Variants in AFG1L observed in about 807,000 individuals in gnomAD.
AFG1L encodes AFG1 like ATPase.
In AFG1L, 53 loss-of-function variants were observed where a neutral mutation model predicts 62.2. The observed-to-expected ratio is 0.85, with a 90% CI of 0.68 to 1.07. The LOEUF (loss-of-function observed/expected upper bound fraction) is 1.07. Among genes scored for constraint, AFG1L ranks in the 50% least tolerant of loss-of-function variants. AFG1L has a pLI of 0.00. For missense variants in AFG1L, 555 were observed against 590.5 expected (o/e 0.94, Z 0.62); for synonymous variants, 228 against 210.3 (o/e 1.08, Z -0.73).
chr6:108,500,097 C>T (rs1473877269), intron 10 of AFG1L, among the ~76,000 whole-genome samples: 1 of 151,620 alleles, frequency 6.6e-6, no homozygotes, highest in African/African-American at 2.4e-5. Flanking sequence ...TAATGGCCTC[C>T]AGCTGCATCC....
At chr6:108,296,697 A>G (rs1431360322) in intron 1 of AFG1L, among the ~76,000 whole-genome samples, 1 of 152,228 alleles carries the variant, frequency 6.6e-6, no homozygotes, top group Non-Finnish European at 1.5e-5. Flanking sequence ...ATTTCATATG[A>G]ATAGAACTGC....
intron 10 of AFG1L, among the ~76,000 whole-genome samples, chr6:108,500,498 T>G (rs552358357): frequency 6.6e-6 from 1 of 152,066 alleles, no homozygotes; most frequent in Non-Finnish European, 1.5e-5. Flanking sequence ...TATATACATA[T>G]ATATTTACAC....
intron 1 of AFG1L, among the ~76,000 whole-genome samples, chr6:108,308,619 T>A (rs1333549319): frequency 6.6e-6 from 1 of 151,998 alleles, no homozygotes; most frequent in Admixed American, 6.6e-5. Context: ...GTCCAAGCGA[T>A]CCTCCTATTT....
chr6:108,481,142 G>A (rs1773309050), intron 10 of AFG1L, among the ~76,000 whole-genome samples: 1 of 152,208 alleles, frequency 6.6e-6, no homozygotes, highest in South Asian at 2.1e-4. Flanking sequence ...CATGACAAAG[G>A]TTGGGAAGTG....
intron 10 of AFG1L, among the ~76,000 whole-genome samples, chr6:108,491,111 A>G (rs890642028): frequency 6.6e-6 from 1 of 152,194 alleles, no homozygotes; most frequent in Non-Finnish European, 1.5e-5. Flanking sequence ...ACACAACCAT[A>G]TACACACAGA....
At chr6:108,510,455 A>G in intron 11 of AFG1L, 103 bp downstream of exon 11, 16 of 819,930 alleles carry the variant, frequency 2.0e-5, no homozygotes, top group Non-Finnish European at 2.6e-5. Context: ...CACTTACTGC[A>G]CCTCTTTGTG....
At chr6:108,495,016 C>T (rs1773922207) in intron 10 of AFG1L, among the ~76,000 whole-genome samples, 1 of 152,040 alleles carries the variant, frequency 6.6e-6, no homozygotes, top group Non-Finnish European at 1.5e-5. Context: ...CTCAAGTGAT[C>T]CACCCATCTC....
chr6:108,349,474 A>AC (rs1189237429), intron 3 of AFG1L, among the ~76,000 whole-genome samples: 1 of 150,206 alleles, frequency 6.7e-6, no homozygotes, highest in East Asian at 2.0e-4. Flanking sequence ...ACAGAGTGAG[A>AC]CCCCCATCTC....
At chr6:108,339,458 A>AT (rs538205129) in intron 2 of AFG1L, among the ~76,000 whole-genome samples, 2,720 of 132,432 alleles carry the variant, frequency 0.021, 46 homozygotes, top group Non-Finnish European at 0.031. Flanking sequence ...AATTCTTTAA[A>AT]TTTTTTTTTT....
chr6:108,436,972 G>C (rs1327739038), intron 7 of AFG1L, among the ~76,000 whole-genome samples: 1 of 152,180 alleles, frequency 6.6e-6, no homozygotes, highest in Non-Finnish European at 1.5e-5. Context: ...AGCAGATTTG[G>C]TATCGGGTGA....
chr6:108,522,557 A>T lies in AFG1L; in HGVS notation c.*132A>T. 1.0e-6 allele frequency: 1 copy of T among 1,004,828 alleles called. No homozygotes were observed. The highest frequency in any genetic ancestry group is 1.4e-6 in the Non-Finnish European group (1 of 724,234). 62.2% of individuals were successfully genotyped at this position (1,004,828 alleles called of 1,614,324 possible). ...GTCCTCTGGACCATTTTAATCTAAA[A>T]TTGCTCTCAAGGATCTAGTGGATTA... On this transcript the variant is annotated 3_prime_UTR_variant, in exon 13 of 13. Transcript: ENST00000368977.
intron 8 of AFG1L, among the ~76,000 whole-genome samples, chr6:108,454,181 C>T (rs1772165742): frequency 6.6e-6 from 1 of 152,150 alleles, no homozygotes; most frequent in African/African-American, 2.4e-5. Context: ...CCATTATATT[C>T]CTATCATTTC....
chr6:108,402,148 GAATTT>G, intron 7 of AFG1L, 94 bp downstream of exon 7: 1 of 613,934 alleles, frequency 1.6e-6, no homozygotes, highest in Non-Finnish European at 2.7e-6. Context: ...CATTCAAGCA[GAATTT>G]ATTTTGGCAT....
chr6:108,357,296 GTT>G (rs1779330239), intron 5 of AFG1L, among the ~76,000 whole-genome samples: 1 of 152,092 alleles, frequency 6.6e-6, no homozygotes, highest in African/African-American at 2.4e-5. Flanking sequence ...TCCCAGGCTG[GTT>G]TCAAACTCCT....
chr6:108,384,781 T>A (rs1780692778), intron 6 of AFG1L, among the ~76,000 whole-genome samples: 2 of 151,770 alleles, frequency 1.3e-5, no homozygotes, highest in Admixed American at 1.3e-4. Flanking sequence ...ATTCTAGAAC[T>A]ATAAAATATA....
At chr6:108,500,420 C>A (rs187585540) in intron 10 of AFG1L, among the ~76,000 whole-genome samples, 3 of 152,080 alleles carry the variant, frequency 2.0e-5, no homozygotes, top group Admixed American at 1.3e-4. Context: ...CTTATATAAC[C>A]CTGTGTATCA....
intron 10 of AFG1L, among the ~76,000 whole-genome samples, chr6:108,499,070 CTT>C (rs200737971): frequency 1.2e-3 from 173 of 138,448 alleles, no homozygotes; most frequent in African/African-American, 1.2e-3. Flanking sequence ...ATAAATGTAA[CTT>C]TTTTTTTTTT....
At chr6:108,458,641 T>G (rs1582617522) in intron 8 of AFG1L, among the ~76,000 whole-genome samples, 1 of 152,284 alleles carries the variant, frequency 6.6e-6, no homozygotes, top group Admixed American at 6.5e-5. Flanking sequence ...TTCTTTGTTC[T>G]TATACTCATG....
At chr6:108,407,111 G>C (rs1167141875) in intron 7 of AFG1L, among the ~76,000 whole-genome samples, 7 of 152,136 alleles carry the variant, frequency 4.6e-5, no homozygotes, top group Non-Finnish European at 1.0e-4. Flanking sequence ...ACATCACCCT[G>C]GCAGTGGTGT....
Sources: allele counts gnomAD v4.1 joint callset (sites outside exome capture counted in the v4.1 genomes callset), GRCh38; gene constraint gnomAD v4.1.1; transcripts MANE v1.5; gene names NCBI Gene and HGNC (gene_info 2026-07-23, HGNC 2026-07-21).